Variants in ATAD2B observed in about 807,000 individuals in gnomAD.
ATAD2B encodes the protein ATPase family AAA domain-containing protein 2B.
A neutral mutation model predicts 167.6 loss-of-function variants in ATAD2B; 40 were observed. That is an observed-to-expected ratio of 0.24 (90% CI 0.19 to 0.31). ATAD2B has a LOEUF of 0.31. Among genes scored for constraint, ATAD2B ranks in the 10% least tolerant of loss-of-function variants. The pLI is 1.00. For synonymous variants in ATAD2B, 579 were observed against 596.5 expected (o/e 0.97, Z 0.43); for missense variants, 1,242 against 1,757.2 (o/e 0.71, Z 5.24).
chr2:23,921,057 T>C (rs1469937392), intron 1 of ATAD2B, among the ~76,000 whole-genome samples: 1 of 151,554 alleles, frequency 6.6e-6, no homozygotes, highest in Non-Finnish European at 1.5e-5. Flanking sequence ...AATACAAAAA[T>C]TAGCCAGGTG....
intron 22 of ATAD2B, among the ~76,000 whole-genome samples, chr2:23,779,757 A>G (rs1679721674): frequency 6.6e-6 from 1 of 152,172 alleles, no homozygotes; most frequent in African/African-American, 2.4e-5. Context: ...TTAATTAATA[A>G]GCTTTTCACA....
At chr2:23,802,655 A>G (rs1683685416) in intron 18 of ATAD2B, among the ~76,000 whole-genome samples, 1 of 152,150 alleles carries the variant, frequency 6.6e-6, no homozygotes, top group Admixed American at 6.5e-5. Context: ...AAAAAATTTA[A>G]GAAGTGTTGC....
chr2:23,679,276 C>T, the ATAD2B span, among the ~76,000 whole-genome samples: 2 of 152,174 alleles, frequency 1.3e-5, no homozygotes, highest in Non-Finnish European at 2.9e-5. Flanking sequence ...GGACTACACT[C>T]AGCCAATCTA....
At chr2:23,910,995 G>A (rs1318805215) in intron 1 of ATAD2B, among the ~76,000 whole-genome samples, 1 of 152,070 alleles carries the variant, frequency 6.6e-6, no homozygotes, top group African/African-American at 2.4e-5. Context: ...GGGAGGCCAA[G>A]GTGGGCAGAT....
chr2:23,753,160 T>C (rs1675552698), intron 27 of ATAD2B, among the ~76,000 whole-genome samples: 1 of 152,164 alleles, frequency 6.6e-6, no homozygotes, highest in African/African-American at 2.4e-5. Flanking sequence ...ACAGGCTGTA[T>C]TAACAGATCA....
In ATAD2B at chr2:23,864,855, G is replaced by A. The variant is rs1694911598; in HGVS notation, c.1258C>T (p.Leu420Phe). 2 of 1,596,404 alleles carry A rather than the reference G, an allele frequency of 1.3e-6. No individual in the cohort carries two copies. The highest frequency in any genetic ancestry group is 1.3e-5 in the African/African-American group (1 of 74,528). ...TTTTCAAAAATTTCTGGATATAAAAGTGGGAATACTACCATTTCCTTTAGC... is the reference window on the plus strand; with the variant it reads ...TTTTCAAAAATTTCTGGATATAAAAATGGGAATACTACCATTTCCTTTAGC... Reference protein sequence around the residue: ...HALKEMVVFPLLYPEIFEKFK... With the variant: ...HALKEMVVFPFLYPEIFEKFK... The change falls in exon 11 of 28, where the codon CTT (leucine) becomes TTT (phenylalanine). Residue 420 changes from leucine (L) to phenylalanine (F), a missense_variant. By Grantham distance (22) the Leu-to-Phe change is conservative. Coordinates refer to ENST00000238789, the MANE Select transcript of ATAD2B (RefSeq NM_017552.4).
intron 1 of ATAD2B, among the ~76,000 whole-genome samples, chr2:23,920,492 T>C (rs573307790): frequency 1.2e-4 from 19 of 152,350 alleles, no homozygotes; most frequent in African/African-American, 4.1e-4. Context: ...CTCCTTGAAA[T>C]GCTATTCATT....
the ATAD2B span, among the ~76,000 whole-genome samples, chr2:23,712,823 C>T: frequency 6.6e-6 from 1 of 152,122 alleles, no homozygotes; most frequent in African/African-American, 2.4e-5. Flanking sequence ...CCAAACTTGC[C>T]ATGCATGCAC....
chr2:23,829,021 T>G, intron 14 of ATAD2B, 82 bp from the exon 15 acceptor site: 1 of 859,250 alleles, frequency 1.2e-6, no homozygotes, highest in Non-Finnish European at 1.8e-6. Flanking sequence ...TCAAATACGT[T>G]AGGTGGAACA....
intron 24 of ATAD2B, among the ~76,000 whole-genome samples, chr2:23,760,771 C>CACACA (rs1572646294): frequency 1.5e-5 from 2 of 130,228 alleles, no homozygotes; most frequent in Admixed American, 7.6e-5. Context: ...CACACACACA[C>CACACA]CACTTCCTTC....
At chr2:23,884,702 T>C in intron 6 of ATAD2B, 63 bp downstream of exon 6, 1 of 865,570 alleles carries the variant, frequency 1.2e-6, no homozygotes, top group Non-Finnish European at 1.7e-6. Flanking sequence ...ATATTACTTG[T>C]ATATTTTATT....
At chr2:23,877,546 G>A (rs1460630642) in intron 7 of ATAD2B, among the ~76,000 whole-genome samples, 2 of 101,144 alleles carry the variant, frequency 2.0e-5, no homozygotes, top group Non-Finnish European at 4.1e-5. Context: ...GGGAAGGGAG[G>A]GGAGGGCAGG....
intron 22 of ATAD2B, among the ~76,000 whole-genome samples, chr2:23,775,533 G>A (rs1039978277): frequency 3.3e-5 from 5 of 151,992 alleles, no homozygotes; most frequent in South Asian, 2.1e-4. Context: ...ATTTTAAAAC[G>A]ATATGTGATT....
the ATAD2B span, among the ~76,000 whole-genome samples, chr2:23,714,773 T>G: frequency 4.0e-5 from 6 of 151,594 alleles, no homozygotes; most frequent in South Asian, 1.3e-3. Flanking sequence ...GAGAATCACT[T>G]GAACCCAGGA....
intron 13 of ATAD2B, among the ~76,000 whole-genome samples, chr2:23,845,317 C>T (rs1220864044): frequency 1.3e-5 from 2 of 151,968 alleles, no homozygotes; most frequent in South Asian, 2.1e-4. Context: ...CCTAAATGTC[C>T]GTCCAGTGTG....
chr2:23,777,650 AT>A (rs1558517516), intron 22 of ATAD2B, among the ~76,000 whole-genome samples: 1 of 152,208 alleles, frequency 6.6e-6, no homozygotes, highest in Non-Finnish European at 1.5e-5. Context: ...CAACTAAAAC[AT>A]TAGGGCGAAA....
intron 1 of ATAD2B, among the ~76,000 whole-genome samples, chr2:23,911,154 G>C (rs1181099083): frequency 6.6e-6 from 1 of 151,718 alleles, no homozygotes; most frequent in Non-Finnish European, 1.5e-5. Context: ...CCAGGGGGCA[G>C]AGGTTGCAGT....
At chr2:23,703,434 G>A in the ATAD2B span, 2 of 1,368,616 alleles carry the variant, frequency 1.5e-6, no homozygotes, top group African/African-American at 1.5e-5. Context: ...CTGCCTTGCT[G>A]ATTTGTTCAG....
chr2:23,861,808 C>A (rs1366958447), intron 12 of ATAD2B, among the ~76,000 whole-genome samples: 2 of 152,144 alleles, frequency 1.3e-5, no homozygotes, highest in African/African-American at 4.8e-5. Context: ...ATTCAGACTG[C>A]ATGTTTGACT....
Sources: allele counts gnomAD v4.1 joint callset (sites outside exome capture counted in the v4.1 genomes callset), GRCh38; gene constraint gnomAD v4.1.1; transcripts MANE v1.5; gene names NCBI Gene and HGNC (gene_info 2026-07-23, HGNC 2026-07-21).